NCALD: variants seen among roughly 807,000 people sequenced by gnomAD.
NCALD encodes neurocalcin-delta.
Under a neutral mutation model 18.6 loss-of-function variants are expected in NCALD, and 10 were observed. The observed-to-expected ratio is 0.54, with a 90% CI of 0.33 to 0.91. The LOEUF (loss-of-function observed/expected upper bound fraction) is 0.91, where lower values mean the gene tolerates loss of function less well. Ranked by LOEUF, NCALD falls within the 40% of genes least tolerant of loss-of-function variation. The pLI, the probability that NCALD is intolerant of heterozygous loss-of-function variation, is 0.03. For synonymous variants in NCALD, 88 were observed against 87.4 expected (o/e 1.01, Z -0.04); for missense variants, 184 against 247.6 (o/e 0.74, Z 1.72).
At chr8:101,816,087 A>C (rs1813484400) in intron 4 of NCALD, among the ~76,000 whole-genome samples, 1 of 152,204 alleles carries the variant, frequency 6.6e-6, no homozygotes, top group East Asian at 1.9e-4. Context: ...TTATTTTAAA[A>C]AGGCAAAACT....
intron 1 of NCALD, among the ~76,000 whole-genome samples, chr8:102,055,859 C>T (rs1028533218): frequency 6.6e-6 from 1 of 152,164 alleles, no homozygotes; most frequent in Non-Finnish European, 1.5e-5. Context: ...ATGAACTAAA[C>T]TACTTTTAAA....
intron 1 of NCALD, among the ~76,000 whole-genome samples, chr8:102,079,149 G>A (rs1824443987): frequency 6.6e-6 from 1 of 152,166 alleles, no homozygotes; most frequent in Non-Finnish European, 1.5e-5. Flanking sequence ...ATCTGTGTTT[G>A]GGAGTTCGCT....
chr8:101,913,144 C>T (rs1400837264), intron 3 of NCALD, among the ~76,000 whole-genome samples: 1 of 152,170 alleles, frequency 6.6e-6, no homozygotes, highest in African/African-American at 2.4e-5. Flanking sequence ...TAAGCAGAGG[C>T]CCAAGCTGTA....
At chr8:102,093,668 C>T (rs1287989738) in intron 1 of NCALD, among the ~76,000 whole-genome samples, 1 of 152,154 alleles carries the variant, frequency 6.6e-6, no homozygotes, top group Non-Finnish European at 1.5e-5. Context: ...GTCTTAAGAA[C>T]AAAAATATGC....
chr8:101,943,743 A>C (rs1003470503), intron 2 of NCALD, among the ~76,000 whole-genome samples: 9 of 152,184 alleles, frequency 5.9e-5, no homozygotes, highest in Admixed American at 1.3e-4. Context: ...GATCGAGACC[A>C]TCCTGGCTAA....
chr8:101,696,636 A>G (rs1015361233), intron 2 of NCALD, among the ~76,000 whole-genome samples: 1 of 152,240 alleles, frequency 6.6e-6, no homozygotes, highest in African/African-American at 2.4e-5. Flanking sequence ...GTATTTCTCC[A>G]ACGAGCAACA....
chr8:101,818,264 A>T (rs894572360), intron 4 of NCALD, among the ~76,000 whole-genome samples: 3 of 152,200 alleles, frequency 2.0e-5, no homozygotes, highest in African/African-American at 7.2e-5. Flanking sequence ...ACACTGTTAC[A>T]GTAATAATAT....
intron 1 of NCALD, among the ~76,000 whole-genome samples, chr8:102,063,036 G>A (rs148305272): frequency 4.4e-4 from 67 of 152,122 alleles, no homozygotes; most frequent in Admixed American, 2.9e-3. Flanking sequence ...TAAATATATA[G>A]AAATACAAAA....
intron 1 of NCALD, among the ~76,000 whole-genome samples, chr8:102,111,854 G>A (rs1223751047): frequency 2.0e-5 from 3 of 151,920 alleles, no homozygotes; most frequent in Non-Finnish European, 2.9e-5. Flanking sequence ...AAATCTTTAC[G>A]TAAAAATAGG....
At chr8:102,043,325 TTTTTG>T (rs952357023) in intron 1 of NCALD, among the ~76,000 whole-genome samples, 1 of 152,058 alleles carries the variant, frequency 6.6e-6, no homozygotes, top group African/African-American at 2.4e-5. Flanking sequence ...TTTGTTTAGT[TTTTTG>T]TTTTGTTTTG....
intron 2 of NCALD, among the ~76,000 whole-genome samples, chr8:101,976,503 A>AATGTTCAT (rs1820428438): frequency 6.6e-6 from 1 of 152,234 alleles, no homozygotes; most frequent in African/African-American, 2.4e-5. Flanking sequence ...TGGAAACTCC[A>AATGTTCAT]ATGTTCATAT....
intron 2 of NCALD, among the ~76,000 whole-genome samples, chr8:101,718,258 T>G (rs1222369011): frequency 3.3e-5 from 5 of 152,098 alleles, no homozygotes; most frequent in African/African-American, 4.8e-5. Context: ...TTCATTTCAT[T>G]TATTTATTTA....
intron 1 of NCALD, among the ~76,000 whole-genome samples, chr8:101,784,258 TA>T (rs985667375): frequency 5.3e-5 from 8 of 152,098 alleles, no homozygotes; most frequent in African/African-American, 1.9e-4. Context: ...TTGGCTGAAA[TA>T]CCTACTCTTG....
At chr8:102,122,320 G>A (rs1330989632) in intron 1 of NCALD, among the ~76,000 whole-genome samples, 1 of 152,162 alleles carries the variant, frequency 6.6e-6, no homozygotes, top group Non-Finnish European at 1.5e-5. Flanking sequence ...GAAAGTCCCT[G>A]GAGTGTGAAT....
intron 4 of NCALD, among the ~76,000 whole-genome samples, chr8:101,886,326 C>T (rs1026604752): frequency 6.6e-6 from 1 of 152,084 alleles, no homozygotes; most frequent in African/African-American, 2.4e-5. Flanking sequence ...ATGTATCTGC[C>T]CTGCCCCCAT....
At chr8:101,784,363 T>C (rs1812136757) in intron 1 of NCALD, among the ~76,000 whole-genome samples, 1 of 152,060 alleles carries the variant, frequency 6.6e-6, no homozygotes, top group African/African-American at 2.4e-5. Flanking sequence ...AGAAAAAAAT[T>C]GTATTCTTTT....
chr8:101,843,438 A>G (rs961968709), intron 4 of NCALD, among the ~76,000 whole-genome samples: 3 of 152,044 alleles, frequency 2.0e-5, no homozygotes, highest in Non-Finnish European at 4.4e-5. Flanking sequence ...GTGCATGTAC[A>G]TGTGCATGCA....
intron 4 of NCALD, among the ~76,000 whole-genome samples, chr8:101,811,048 C>A (rs1813285659): frequency 6.6e-6 from 1 of 152,130 alleles, no homozygotes; most frequent in South Asian, 2.1e-4. Context: ...AATAGTCAGA[C>A]TACTGATTTC....
chr8:102,009,032 A>C (rs1468225836), intron 2 of NCALD, among the ~76,000 whole-genome samples: 1 of 152,126 alleles, frequency 6.6e-6, no homozygotes, highest in Non-Finnish European at 1.5e-5. Flanking sequence ...AATTCAAAAA[A>C]TAAAAAAGTG....
Sources: gnomAD v4.1 joint callset for allele counts (sites outside exome capture counted in the v4.1 genomes callset) on GRCh38, gnomAD v4.1.1 for gene constraint, MANE v1.5 for transcripts, NCBI Gene and HGNC (gene_info 2026-07-23, HGNC 2026-07-21) for gene names.